Variants in ANKRD60 observed in about 807,000 individuals in gnomAD.
ANKRD60 encodes the protein ankyrin repeat domain-containing protein 60.
ANKRD60 carries 24 observed loss-of-function variants against 21.3 expected under a neutral mutation model. That is an observed-to-expected ratio of 1.13 (90% CI 0.82 to 1.59). The LOEUF (loss-of-function observed/expected upper bound fraction) is 1.59, where lower values mean the gene tolerates loss of function less well. Among genes scored for constraint, ANKRD60 ranks in the 40% most tolerant of loss-of-function variants. The probability of loss-of-function intolerance (pLI) is 0.00; values close to 1 mark genes in which losing one functional copy is unlikely to be tolerated. For synonymous variants in ANKRD60, 182 were observed against 199.4 expected (o/e 0.91, Z 0.74); for missense variants, 490 against 466.7 (o/e 1.05, Z -0.46).
downstream of ANKRD60, among the ~76,000 whole-genome samples, chr20:58,216,607 AT>A (rs1248049061): frequency 6.6e-6 from 1 of 152,138 alleles, no homozygotes; most frequent in Non-Finnish European, 1.5e-5. Flanking sequence ...ATGCTGAGCT[AT>A]TTTTTTCCTC....
At chr20:58,218,887 C>T in intron 3 of ANKRD60, 82 bp from the exon 4 acceptor site, 1 of 1,347,924 alleles carries the variant, frequency 7.4e-7, no homozygotes. Flanking sequence ...AGGGAGTGCT[C>T]CTCAGGGAGG....
At chr20:58,227,695 T>C (rs1321563066) in intron 1 of ANKRD60, among the ~76,000 whole-genome samples, 2 of 152,178 alleles carry the variant, frequency 1.3e-5, no homozygotes, top group Non-Finnish European at 2.9e-5. Context: ...GATTTGGGGT[T>C]CTAATGTTCT....
chr20:58,222,676 G>A (rs1019889655), intron 2 of ANKRD60, among the ~76,000 whole-genome samples: 2 of 152,184 alleles, frequency 1.3e-5, no homozygotes, highest in Admixed American at 6.5e-5. Flanking sequence ...ACCTGGCGGA[G>A]GCCTGTACCA....
At position 58,218,658 on chromosome 20, in the gene ANKRD60, A is replaced by G. The variant is rs184792111; in HGVS notation, c.875T>C (p.Ile292Thr). The change falls in exon 4 of 4, where the codon ATT becomes ACT. Residue 292 changes from isoleucine to threonine, a missense_variant. By Grantham distance (89) the Ile-to-Thr change is moderately conservative. Coordinates refer to ENST00000457363, the Ensembl canonical transcript of ANKRD60. ...CAGTGTGTGGTTCAGGCGGTGTGCA[A>G]TGGAGATGGGGGTCTCCCCCTTGGC... 4.2e-4 allele frequency: 645 copies of G among 1,551,734 alleles called. 3 individuals carry two copies. The African/African-American group carries it at 7.4e-3, about 18-fold the overall frequency.
At chr20:58,223,249 G>T in intron 1 of ANKRD60, 67 bp from the exon 2 acceptor site, 1 of 1,329,160 alleles carries the variant, frequency 7.5e-7, no homozygotes, top group Non-Finnish European at 1.0e-6. Context: ...CATTGGTTAA[G>T]TTAAGAGATT....
In ANKRD60 at chr20:58,222,728, G is replaced by C. The variant is rs188345131; in HGVS notation, c.561+324C>G. ...GCTGTACGCTTCTCAGTTATCTGGA[G>C]TTCTCCTCTCAGTATTAAATTAGAT... On this transcript the variant is annotated intron_variant, in intron 2 of 3. Coordinates refer to ENST00000457363, the Ensembl canonical transcript of ANKRD60. Among the ~76,000 whole-genome samples, 4 of 152,354 alleles carry C rather than the reference G, an allele frequency of 2.6e-5. No individual in the cohort carries two copies. The East Asian group carries it at 7.7e-4, about 29-fold the overall frequency.
chr20:58,223,028 C>G (rs924357178), intron 2 of ANKRD60, 24 bp downstream of exon 2: 1 of 1,539,818 alleles, frequency 6.5e-7, no homozygotes, highest in East Asian at 2.5e-5. Context: ...CGTATAATAT[C>G]CATTTAAAGA....
rs1321328768 is a variant in ANKRD60 at position 58,228,282 on chromosome 20, C to T, written c.372G>A (p.Glu124=). The change falls in exon 1 of 4, where the codon GAG becomes GAA. Residue 124 remains glutamate, a synonymous_variant. Coordinates refer to ENST00000457363, the Ensembl canonical transcript of ANKRD60. This position sits in a 1 kb window ranked among gnomAD's most constrained non-coding sequence, Gnocchi z 5.3. ...AGGGGATGCCGACCATCAGGTCCAG[C>T]TCCTCTTTGAGCTCCCGCACGGTCA... 1 of 1,551,362 alleles carries T rather than the reference C, an allele frequency of 6.4e-7. No individual in the cohort carries two copies. Among genetic ancestry groups the T allele is most frequent in the African/African-American group, 1.4e-5 (1 of 73,050 alleles).
chr20:58,223,063 C>T (rs1199552273), exon 2 of ANKRD60: 2 of 1,547,946 alleles, frequency 1.3e-6, no homozygotes, highest in South Asian at 2.4e-5. Flanking sequence ...TTGCTGGGAT[C>T]CCCTTCCACA....
rs921811420 is a variant in ANKRD60, at chr20:58,228,311, C to G, written c.343G>C (p.Asp115His). 1 of 1,551,322 alleles carries G rather than the reference C, an allele frequency of 6.4e-7. No homozygotes were observed. The highest frequency in any genetic ancestry group is 8.7e-7 in the Non-Finnish European group (1 of 1,146,920). ...TCTTTGAGCTCCCGCACGGTCATGTCGCCGCGGCAGTTTGCCACTCGGAAC... is the reference window on the plus strand; with the variant it reads ...TCTTTGAGCTCCCGCACGGTCATGTGGCCGCGGCAGTTTGCCACTCGGAAC... The change falls in exon 1 of 4, where the codon GAC becomes CAC. Residue 115 changes from aspartate to histidine, a missense_variant. Transcript: ENST00000457363. The surrounding 1 kb of genome is among the most constrained non-coding windows in gnomAD (Gnocchi z 5.3).
intron 1 of ANKRD60, among the ~76,000 whole-genome samples, chr20:58,226,651 G>A (rs1190701412): frequency 6.6e-6 from 1 of 152,154 alleles, no homozygotes; most frequent in Non-Finnish European, 1.5e-5. Context: ...CGTATCTGGG[G>A]GTTCAGATAT....
Position 58,228,385 on chromosome 20 carries a change from G to A in ANKRD60, c.269C>T (p.Ala90Val), listed in dbSNP as rs760426579. ...CACCCGCAGGACGAAGACGTCAGGG[G>A]CCAAGTCGGGCAAGGCACTCGCGGC... Residue 90 changes from alanine (A) to valine (V), a missense_variant, in exon 1 of 4, where the codon GCC (alanine) becomes GTC (valine). By Grantham distance (64) the Ala-to-Val change is moderately conservative. Transcript: ENST00000457363. This position sits in a 1 kb window ranked among gnomAD's most constrained non-coding sequence, Gnocchi z 5.3. The A allele has an allele frequency of 2.6e-6, 4 of 1,547,806 alleles. No homozygotes were observed. In the African/African-American group the frequency reaches 5.5e-5, roughly 21 times the overall value.
chr20:58,218,772 C>T (rs1378125356), exon 4 of ANKRD60: 2 of 1,549,890 alleles, frequency 1.3e-6, no homozygotes, highest in Non-Finnish European at 1.7e-6. Flanking sequence ...CAGGGGTGTC[C>T]TGCCCAGGGG....
chr20:58,221,267 A>G (rs1217672055), intron 3 of ANKRD60, 71 bp downstream of exon 3: 7 of 1,473,718 alleles, frequency 4.7e-6, no homozygotes, highest in Non-Finnish European at 6.4e-6. Context: ...CTGGGAACAC[A>G]AGACACTCTG....
At chr20:58,217,221 G>A (rs181595439), downstream of ANKRD60, among the ~76,000 whole-genome samples, 114 of 152,282 alleles carry the variant, frequency 7.5e-4, 1 homozygote, top group Middle Eastern at 6.8e-3. Context: ...ATGAGGTCAG[G>A]AGTTCGAGAC....
At chr20:58,219,531 T>C (rs1034344441) in intron 3 of ANKRD60, among the ~76,000 whole-genome samples, 2 of 152,158 alleles carry the variant, frequency 1.3e-5, no homozygotes, top group African/African-American at 4.8e-5. Flanking sequence ...CATGGACAGA[T>C]TTCACTTCGA....
At chr20:58,220,832 C>T (rs2122803914) in intron 3 of ANKRD60, among the ~76,000 whole-genome samples, 1 of 152,010 alleles carries the variant, frequency 6.6e-6, no homozygotes, top group East Asian at 1.9e-4. Context: ...TTTCACCAGG[C>T]TGGTTGGCCA....
chr20:58,220,489 CAGAGAGAGAGAGAG>C (rs11469843), intron 3 of ANKRD60, among the ~76,000 whole-genome samples: 34 of 144,372 alleles, frequency 2.4e-4, no homozygotes, highest in African/African-American at 7.7e-4. Context: ...TCAAGAGAGC[CAGAGAGAGAGAGAG>C]AGAGAGAGAG....
Position 58,223,051 on chromosome 20 carries a change from C to T in ANKRD60, c.561+1G>A. The T allele has an allele frequency of 2.6e-6, 4 of 1,545,522 alleles. No homozygotes were observed. Among genetic ancestry groups the T allele is most frequent in the Non-Finnish European group, 3.5e-6 (4 of 1,145,208 alleles). On this transcript the variant is annotated splice_donor_variant, in intron 2 of 3. Coordinates refer to ENST00000457363, the Ensembl canonical transcript of ANKRD60. LOFTEE classifies it high-confidence loss of function. ...ATCCATTTAAAGAAGCTTGAAAACA[C>T]CTTGCTGGGATCCCCTTCCACAGCC... is the stretch of plus-strand genomic sequence containing the variant.
Sources: gnomAD v4.1 joint callset for allele counts (sites outside exome capture counted in the v4.1 genomes callset) on GRCh38, gnomAD v4.1.1 for gene constraint, Gnocchi (gnomAD v3.1) non-coding constraint, MANE v1.5 for transcripts, NCBI Gene and HGNC (gene_info 2026-07-23, HGNC 2026-07-21) for gene names.